Variants in PRKCZ observed in about 807,000 individuals in gnomAD.
PRKCZ encodes protein kinase C zeta.
PRKCZ carries 33 observed loss-of-function variants against 79.5 expected under a neutral mutation model. The ratio of observed to expected loss-of-function variants is 0.41; its 90% CI spans 0.31 to 0.55. The LOEUF (loss-of-function observed/expected upper bound fraction) is 0.55, where lower values mean the gene tolerates loss of function less well. Ranked by LOEUF, PRKCZ falls within the 20% of genes least tolerant of loss-of-function variation. The pLI is 0.19. For missense variants in PRKCZ, 578 were observed against 813.5 expected, an observed-to-expected ratio of 0.71 and a Z score of 3.52; for synonymous variants, 342 against 320.9, an observed-to-expected ratio of 1.07 and a Z score of -0.70.
chr1:2,067,337 A>G (rs770991707), intron 4 of PRKCZ, among the ~76,000 whole-genome samples: 10 of 151,970 alleles, frequency 6.6e-5, no homozygotes, highest in Non-Finnish European at 1.3e-4. Context: ...TTGCTTTTTC[A>G]TTCCTTTTTA....
intron 10 of PRKCZ, among the ~76,000 whole-genome samples, chr1:2,159,882 A>G (rs930471306): frequency 6.6e-6 from 1 of 152,190 alleles, no homozygotes; most frequent in African/African-American, 2.4e-5. Flanking sequence ...TATTTCAGGA[A>G]AACCAGGTAA....
intron 4 of PRKCZ, among the ~76,000 whole-genome samples, chr1:2,067,890 A>G (rs1416303325): frequency 2.0e-5 from 3 of 152,052 alleles, no homozygotes; most frequent in Non-Finnish European, 1.5e-5. Context: ...ATTTTCTTCC[A>G]TTTTGGTCTT....
At chr1:2,062,925 C>G (rs1278745047) in intron 4 of PRKCZ, among the ~76,000 whole-genome samples, 1 of 152,206 alleles carries the variant, frequency 6.6e-6, no homozygotes, top group Admixed American at 6.5e-5. Context: ...GAAACACTCA[C>G]TCCCCATTCT....
At chr1:2,081,333 C>T (rs755889859) in intron 4 of PRKCZ, among the ~76,000 whole-genome samples, 31 of 148,504 alleles carry the variant, frequency 2.1e-4, no homozygotes, top group Non-Finnish European at 3.4e-4. Flanking sequence ...GTTGGGGCAG[C>T]GATGAGGCCA....
intron 4 of PRKCZ, among the ~76,000 whole-genome samples, chr1:2,124,367 ACGGCGGCG>A: frequency 1.9e-5 from 2 of 103,196 alleles, no homozygotes; most frequent in African/African-American, 7.4e-5. Context: ...GGTTAGGGTC[ACGGCGGCG>A]GTTAGGGTCA....
intron 4 of PRKCZ, among the ~76,000 whole-genome samples, chr1:2,083,666 GAGGAGGCTTGGGGTGAATTCCAGTGTGTC>G (rs1269445440): frequency 2.1e-4 from 32 of 152,268 alleles, no homozygotes; most frequent in Middle Eastern, 6.8e-3. Context: ...TCCAGTGTGT[GAGGAGGCTTGGGGTGAATTCCAGTGTGTC>G]AGGAGGCTTG....
chr1:2,184,803 G>A (rs754484543), intron 17 of PRKCZ, 105 bp downstream of exon 17: 33 of 1,380,070 alleles, frequency 2.4e-5, no homozygotes, highest in Middle Eastern at 3.6e-4. Flanking sequence ...AGTCCCACCC[G>A]CCTGGTGTCA....
chr1:2,070,984 C>T (rs868586212), intron 4 of PRKCZ, among the ~76,000 whole-genome samples: 2 of 151,476 alleles, frequency 1.3e-5, no homozygotes, highest in South Asian at 4.2e-4. Context: ...GGACACCATC[C>T]CCACAGGGAC....
chr1:2,121,432 G>GTAGTTAGAGTCATGGCGGTAGT (rs1428026958), intron 4 of PRKCZ, among the ~76,000 whole-genome samples: 9 of 141,084 alleles, frequency 6.4e-5, no homozygotes, highest in African/African-American at 1.3e-4. Flanking sequence ...CCTTTGACAG[G>GTAGTTAGAGTCATGGCGGTAGT]TAGTTAGAGT....
At chr1:2,154,711 C>T (rs1014154552) in intron 9 of PRKCZ, among the ~76,000 whole-genome samples, 2 of 152,156 alleles carry the variant, frequency 1.3e-5, no homozygotes, top group African/African-American at 4.8e-5. Context: ...TTTCTAACCC[C>T]GAAGACAAGG....
chr1:2,053,570 G>A (rs1488827418), intron 1 of PRKCZ, among the ~76,000 whole-genome samples: 2 of 152,188 alleles, frequency 1.3e-5, no homozygotes, highest in Non-Finnish European at 2.9e-5. Context: ...TTCAGGATTG[G>A]GATAGGGTTG....
intron 10 of PRKCZ, chr1:2,169,273 G>A: frequency 1.8e-6 from 1 of 543,204 alleles, no homozygotes; most frequent in Non-Finnish European, 3.5e-6. Context: ...ACACACAGTG[G>A]CCAAGAGTGA....
Position 2,082,135 on chromosome 1 carries a change from C to T in PRKCZ, c.334+22544C>T, listed in dbSNP as rs1184451008. 9.2e-6 allele frequency: 3 copies of T among 324,440 alleles called. No homozygotes were observed. The highest frequency in any genetic ancestry group is 8.7e-5 in the East Asian group (1 of 11,454). The allele number at this position is 324,440 out of a possible 1,614,324, so 20.1% of individuals were successfully genotyped here. A position where few individuals can be genotyped will look rare whatever the true frequency, so the allele number is the denominator to read the frequency against. ...GTCTTTCCACACGGCCATCCGAGGG[C>T]GGACGTGGTCAGGGGTGCTGGACGC... On this transcript the variant is annotated intron_variant, in intron 4 of 17. Transcript: ENST00000378567. The surrounding 1 kb of genome is among the most constrained non-coding windows in gnomAD (Gnocchi z 4.4).
At position 2,125,481 on chromosome 1, in the gene PRKCZ, TG is replaced by T. The variant is rs1673687567; in HGVS notation, c.335-9775del. On this transcript the variant is annotated intron_variant, in intron 4 of 17. Coordinates refer to ENST00000378567, the MANE Select transcript of PRKCZ (RefSeq NM_002744.6). The surrounding 1 kb of genome is among the most constrained non-coding windows in gnomAD (Gnocchi z 4.2). ...GAGGACGGTGGGGCGGAGGACATCC[TG>T]GGGGGCCTGGCTTCTTGGGAACTGG... Among the ~76,000 whole-genome samples the T allele has an allele frequency of 6.6e-6, 1 of 152,114 alleles. No homozygotes were observed. Among genetic ancestry groups the T allele is most frequent in the Non-Finnish European group, 1.5e-5 (1 of 68,006 alleles).
Position 2,174,037 on chromosome 1 carries a change from T to G in PRKCZ, c.1405+21T>G. ...CCAAGGTGCGTGCCCCGCTGTGCGT[T>G]CGTACCCCTCACCTGCACGACTGTC... On this transcript the variant is annotated intron_variant, in intron 14 of 17. Transcript: ENST00000378567. This position sits in a 1 kb window ranked among gnomAD's most constrained non-coding sequence, Gnocchi z 6.2. 1 of 1,578,688 alleles carries G rather than the reference T, an allele frequency of 6.3e-7. No homozygotes were observed. Among genetic ancestry groups the G allele is most frequent in the Non-Finnish European group, 8.6e-7 (1 of 1,157,674 alleles).
chr1:2,181,650 G>T, intron 16 of PRKCZ: 1 of 330,844 alleles, frequency 3.0e-6, no homozygotes, highest in Admixed American at 4.3e-5. Flanking sequence ...GGAAACTGAG[G>T]CAATCTTGAG....
intron 5 of PRKCZ, among the ~76,000 whole-genome samples, chr1:2,138,606 C>T (rs938110000): frequency 2.6e-5 from 4 of 151,992 alleles, no homozygotes; most frequent in African/African-American, 7.3e-5. Flanking sequence ...GCTGCTGGCT[C>T]CCATCACAGT....
rs766608051 is a variant in PRKCZ, at chr1:2,115,760, C to T, written c.335-19502C>T. Among the ~76,000 whole-genome samples the T allele has an allele frequency of 1.2e-4, 18 of 152,192 alleles. No individual in the cohort carries two copies. In the South Asian group the frequency reaches 1.7e-3, roughly 14 times the overall value. On this transcript the variant is annotated intron_variant, in intron 4 of 17. Coordinates refer to ENST00000378567, the MANE Select transcript of PRKCZ (RefSeq NM_002744.6). The stretch of plus-strand genomic sequence containing the variant: ...CCGTTTATTAGAAAGGACAGCCACA[C>T]GGAGGAGCTGCACGGGAGGCTGAGG...
intron 16 of PRKCZ, among the ~76,000 whole-genome samples, chr1:2,176,667 C>T (rs535971407): frequency 5.9e-5 from 9 of 152,374 alleles, no homozygotes; most frequent in African/African-American, 1.2e-4. Flanking sequence ...CCACCCCACC[C>T]AACTTTTCCA....
Sources: gnomAD v4.1 joint callset for allele counts (sites outside exome capture counted in the v4.1 genomes callset) on GRCh38, gnomAD v4.1.1 for gene constraint, Gnocchi (gnomAD v3.1) non-coding constraint, MANE v1.5 for transcripts, NCBI Gene and HGNC (gene_info 2026-07-23, HGNC 2026-07-21) for gene names.